The following PRKN variants were observed in gnomAD, a reference collection of about 807,000 sequenced individuals.
PRKN encodes E3 ubiquitin-protein ligase parkin.
PRKN carries 56 observed loss-of-function variants against 59.5 expected under a neutral mutation model. The observed-to-expected ratio is 0.94, with a 90% CI of 0.76 to 1.18. The LOEUF is 1.18. PRKN is among the 50% of genes most tolerant of loss of function. The probability of loss-of-function intolerance (pLI) is 0.00; values close to 1 mark genes in which losing one functional copy is unlikely to be tolerated. For synonymous variants in PRKN, 250 were observed against 222.1 expected (o/e 1.13, Z -1.12); for missense variants, 657 against 596.4 (o/e 1.10, Z -1.06).
At chr6:161,682,261 C>T (rs1233640106) in intron 7 of PRKN, among the ~76,000 whole-genome samples, 4 of 152,130 alleles carry the variant, frequency 2.6e-5, no homozygotes, top group Non-Finnish European at 4.4e-5. Context: ...AGAGATTTTT[C>T]GGATTCCATA....
intron 4 of PRKN, among the ~76,000 whole-genome samples, chr6:162,085,980 C>T (rs909795131): frequency 3.9e-5 from 6 of 152,156 alleles, no homozygotes; most frequent in Admixed American, 3.3e-4. Flanking sequence ...TCTATCCATC[C>T]TATTAGTCCC....
chr6:161,725,116 C>A (rs1787387570), intron 7 of PRKN, among the ~76,000 whole-genome samples: 1 of 152,218 alleles, frequency 6.6e-6, no homozygotes, highest in African/African-American at 2.4e-5. Flanking sequence ...TCCTGTACAA[C>A]CTGCAGAACC....
chr6:161,976,488 C>A (rs952583715), intron 5 of PRKN, among the ~76,000 whole-genome samples: 1 of 152,196 alleles, frequency 6.6e-6, no homozygotes, highest in African/African-American at 2.4e-5. Flanking sequence ...TTCCCCACAG[C>A]AGCATGGAAA....
intron 5 of PRKN, among the ~76,000 whole-genome samples, chr6:162,049,144 T>A (rs1358796174): frequency 6.6e-6 from 1 of 152,120 alleles, no homozygotes; most frequent in Non-Finnish European, 1.5e-5. Flanking sequence ...TTACTGCTAT[T>A]TAAAACTATC....
intron 6 of PRKN, among the ~76,000 whole-genome samples, chr6:161,808,551 T>G (rs2128212754): frequency 6.6e-6 from 1 of 152,306 alleles, no homozygotes; most frequent in African/African-American, 2.4e-5. Flanking sequence ...ATAGCTCAAC[T>G]GTGACAGATG....
intron 1 of PRKN, among the ~76,000 whole-genome samples, chr6:162,671,971 G>A (rs1414115983): frequency 1.3e-5 from 2 of 152,026 alleles, no homozygotes; most frequent in African/African-American, 2.4e-5. Context: ...GGGAGGTGCT[G>A]CGGGGAGGAT....
At chr6:161,380,837 AC>A (rs1456799690) in intron 10 of PRKN, among the ~76,000 whole-genome samples, 1 of 152,202 alleles carries the variant, frequency 6.6e-6, no homozygotes, top group Non-Finnish European at 1.5e-5. Flanking sequence ...ACAAAATCAC[AC>A]TGGAAGGCCT....
intron 9 of PRKN, among the ~76,000 whole-genome samples, chr6:161,482,933 A>G (rs1201784237): frequency 6.6e-6 from 1 of 152,216 alleles, no homozygotes; most frequent in Non-Finnish European, 1.5e-5. Context: ...TGGCATATTT[A>G]ATGTTTCATA....
chr6:161,552,614 T>C lies in PRKN; in HGVS notation c.934-3611A>G, dbSNP rs1303916233. The stretch of plus-strand genomic sequence containing the variant: ...ACAAAAAACAAAAAACAAAAAACTT[T>C]TTATTGTAAATATCACATAGAATAA... On this transcript the variant is annotated intron_variant, in intron 8 of 11. Transcript: ENST00000366898. This position sits in a 1 kb window ranked among gnomAD's most constrained non-coding sequence, Gnocchi z 4.9. 6.6e-6 allele frequency among the ~76,000 whole-genome samples: 1 copy of C among 151,942 alleles called. No homozygotes were observed. Among genetic ancestry groups the C allele is most frequent in the African/African-American group, 2.4e-5 (1 of 41,378 alleles).
At chr6:161,531,533 G>T (rs2115385086) in intron 9 of PRKN, among the ~76,000 whole-genome samples, 1 of 152,310 alleles carries the variant, frequency 6.6e-6, no homozygotes, top group East Asian at 1.9e-4. Context: ...TCCCAAGGTA[G>T]GTGGCCCAGT....
chr6:162,059,825 C>A (rs1452242822), intron 4 of PRKN, among the ~76,000 whole-genome samples: 1 of 152,088 alleles, frequency 6.6e-6, no homozygotes, highest in African/African-American at 2.4e-5. Flanking sequence ...GTGAGGAAAC[C>A]ATGGGCTGCT....
chr6:162,489,188 A>G (rs1171286443), intron 1 of PRKN, among the ~76,000 whole-genome samples: 1 of 152,150 alleles, frequency 6.6e-6, no homozygotes, highest in African/African-American at 2.4e-5. Flanking sequence ...ACTGGTATAA[A>G]CCTTAAACAA....
intron 6 of PRKN, among the ~76,000 whole-genome samples, chr6:161,933,419 G>C (rs1779239267): frequency 6.6e-6 from 1 of 152,074 alleles, no homozygotes; most frequent in Admixed American, 6.6e-5. Context: ...TGACAACCTT[G>C]AACATTTTTA....
intron 9 of PRKN, among the ~76,000 whole-genome samples, chr6:161,511,112 C>T (rs901851995): frequency 6.6e-6 from 1 of 152,150 alleles, no homozygotes; most frequent in African/African-American, 2.4e-5. Context: ...ACATTTCTAA[C>T]AGGTAAACAA....
At chr6:162,203,104 G>A (rs1223869094) in intron 3 of PRKN, among the ~76,000 whole-genome samples, 1 of 152,160 alleles carries the variant, frequency 6.6e-6, no homozygotes, top group Non-Finnish European at 1.5e-5. Context: ...AAGCATCTCA[G>A]AAATTGCAGG....
At position 161,552,517 on chromosome 6, in the gene PRKN, C is replaced by A. The variant is rs140848574; in HGVS notation, c.934-3514G>T. 3.3e-4 allele frequency among the ~76,000 whole-genome samples: 49 copies of A among 147,536 alleles called. 3 individuals carry two copies. Among genetic ancestry groups the A allele is most frequent in the African/African-American group, 1.3e-3 (47 of 37,286 alleles). ...TCCAAGCCCCTCTCCCTCAGCTCTG[C>A]ATCACCGAACTGCTCAACCTACTTT... On this transcript the variant is annotated intron_variant, in intron 8 of 11. Coordinates refer to ENST00000366898, the MANE Select transcript of PRKN (RefSeq NM_004562.3). This position sits in a 1 kb window ranked among gnomAD's most constrained non-coding sequence, Gnocchi z 4.9.
At chr6:162,200,631 C>T (rs1014206870) in intron 4 of PRKN, among the ~76,000 whole-genome samples, 3 of 152,154 alleles carry the variant, frequency 2.0e-5, no homozygotes, top group Non-Finnish European at 2.9e-5. Context: ...CTGACCCTTG[C>T]TTTATATGCA....
intron 1 of PRKN, among the ~76,000 whole-genome samples, chr6:162,726,761 C>T (rs1322742065): frequency 6.6e-6 from 1 of 152,166 alleles, no homozygotes; most frequent in South Asian, 2.1e-4. Flanking sequence ...AATAAACAAG[C>T]TCACTAAACC....
chr6:161,443,113 G>C (rs1789320866), intron 9 of PRKN, among the ~76,000 whole-genome samples: 2 of 152,112 alleles, frequency 1.3e-5, no homozygotes, highest in South Asian at 4.1e-4. Context: ...TTCGAGGCCA[G>C]CCTGACCAAC....
Sources: allele counts gnomAD v4.1 joint callset (sites outside exome capture counted in the v4.1 genomes callset), GRCh38; gene constraint gnomAD v4.1.1; non-coding constraint Gnocchi (gnomAD v3.1); transcripts MANE v1.5; gene names NCBI Gene and HGNC (gene_info 2026-07-23, HGNC 2026-07-21).